The following APOH variants were observed in gnomAD, a reference collection of about 807,000 sequenced individuals.
APOH encodes the protein apolipoprotein H, also known as beta-2-glycoprotein 1.
APOH carries 48 observed loss-of-function variants against 39.8 expected under a neutral mutation model. The ratio of observed to expected loss-of-function variants is 1.21; its 90% CI spans 0.96 to 1.54. APOH has a LOEUF of 1.54. Ranked by LOEUF, APOH falls within the 40% of genes most tolerant of loss-of-function variation. APOH has a pLI of 0.00. For missense variants in APOH, 415 were observed against 421.2 expected (o/e 0.99, Z 0.13); for synonymous variants, 153 against 151.1 (o/e 1.01, Z -0.09).
intron 7 of APOH, among the ~76,000 whole-genome samples, chr17:66,212,719 T>G (rs2073343402): frequency 6.6e-6 from 1 of 152,158 alleles, no homozygotes; most frequent in African/African-American, 2.4e-5. Flanking sequence ...AGGTTCTATA[T>G]ACAGTGAAGA....
chr17:66,219,559 C>A (rs994339848), intron 5 of APOH, among the ~76,000 whole-genome samples: 1 of 152,136 alleles, frequency 6.6e-6, no homozygotes, highest in African/African-American at 2.4e-5. Flanking sequence ...TGCTGAAAAT[C>A]ACTTATGTTT....
chr17:66,223,868 C>T, intron 3 of APOH, 94 bp from the exon 4 acceptor site: 1 of 1,111,800 alleles, frequency 9.0e-7, no homozygotes, highest in Non-Finnish European at 1.4e-6. Context: ...CATGTTAATG[C>T]TATTGACTTC....
At chr17:66,224,329 T>G (rs977071936) in intron 3 of APOH, among the ~76,000 whole-genome samples, 4 of 151,054 alleles carry the variant, frequency 2.6e-5, no homozygotes, top group Admixed American at 1.3e-4. Flanking sequence ...CAGGCCGTGG[T>G]AGTGTGTGCC....
At chr17:66,216,996 A>G (rs2073369791) in intron 5 of APOH, 29 bp from the exon 6 acceptor site, 1 of 1,519,356 alleles carries the variant, frequency 6.6e-7, no homozygotes, top group African/African-American at 1.4e-5. Context: ...AAGACATATT[A>G]GTAATAAATA....
chr17:66,224,627 A>AGG (rs2073424375), intron 3 of APOH, among the ~76,000 whole-genome samples: 1 of 127,222 alleles, frequency 7.9e-6, no homozygotes, highest in South Asian at 2.8e-4. Context: ...GAAAGAAAGA[A>AGG]GAAAGGAAGA....
chr17:66,218,555 C>T (rs1598550758), intron 5 of APOH, among the ~76,000 whole-genome samples: 1 of 152,094 alleles, frequency 6.6e-6, no homozygotes, highest in Non-Finnish European at 1.5e-5. Flanking sequence ...GATCCACCTG[C>T]CTCGGCCTCC....
chr17:66,229,283 T>G (rs372931697), intron 1 of APOH, 33 bp downstream of exon 1: 2 of 1,568,052 alleles, frequency 1.3e-6, no homozygotes, highest in African/African-American at 2.7e-5. Flanking sequence ...GTTGGATATA[T>G]TAATTATTTT....
At position 66,216,951 on chromosome 17, in the gene APOH, G is replaced by A; in HGVS notation, c.621C>T (p.Phe207=). 6.3e-7 allele frequency: 1 copy of A among 1,594,980 alleles called. No homozygotes were observed. ...CAAATCCATTGTCTGGTCTTGATGG[G>A]AATGGGCATTTTACTTCTAAAACAT... The part of the protein sequence containing the change: ...LPECREVKCP[F]PSRPDNGFVN... The change falls in exon 6 of 8, where the codon TTC becomes TTT. Residue 207 remains phenylalanine (F), a synonymous_variant. Transcript: ENST00000205948.
chr17:66,224,143 A>C (rs1380518717), intron 3 of APOH, among the ~76,000 whole-genome samples: 1 of 152,190 alleles, frequency 6.6e-6, no homozygotes, highest in Non-Finnish European at 1.5e-5. Context: ...GCCTACTGAC[A>C]CCAATGAATA....
intron 5 of APOH, 47 bp from the exon 6 acceptor site, chr17:66,217,014 C>A (rs774640799): frequency 7.7e-6 from 11 of 1,433,244 alleles, no homozygotes; most frequent in Admixed American, 7.0e-5. Flanking sequence ...ATAGTGCTAT[C>A]CAATAGTCAT....
At position 66,220,686 on chromosome 17, in the gene APOH, G is replaced by A; in HGVS notation, c.472C>T (p.Pro158Ser). Residue 158 changes from proline to serine, a missense_variant, in exon 5 of 8, where the codon CCA becomes TCA. By Grantham distance (74) the Pro-to-Ser change is moderately conservative. Coordinates refer to ENST00000205948, the MANE Select transcript of APOH (RefSeq NM_000042.3). ...TAGAGGGAATTGTTTCCAGCTGATG[G>A]CTTATAAACACGAAGTGTTGCAAAC... ...PTFATLRVYK[P>S]SAGNNSLYRD... 6.2e-7 allele frequency: 1 copy of A among 1,614,128 alleles called. No homozygotes were observed. Among genetic ancestry groups the A allele is most frequent in the Non-Finnish European group, 8.5e-7 (1 of 1,180,008 alleles).
chr17:66,219,032 T>C (rs928187589), intron 5 of APOH, among the ~76,000 whole-genome samples: 2 of 151,894 alleles, frequency 1.3e-5, no homozygotes, highest in Non-Finnish European at 2.9e-5. Flanking sequence ...ATAATTATTA[T>C]TATAGGAGAC....
rs1567739885 is a variant in APOH at position 66,220,752 on chromosome 17, TAAAG to T, written c.416-14_416-11del. 2 of 1,594,782 alleles carry T rather than the reference TAAAG, an allele frequency of 1.3e-6. No individual in the cohort carries two copies. Among genetic ancestry groups the T allele is most frequent in the South Asian group, 2.2e-5 (2 of 89,374 alleles). On this transcript the variant is annotated splice_polypyrimidine_tract_variant and intron_variant, in intron 4 of 7. Transcript: ENST00000205948. ...GGAGGGCAGATGATGGCTGGGAAAATAAAGAACTATCATTTCTATGAAAATAGTT... is the reference window on the plus strand; with the variant it reads ...GGAGGGCAGATGATGGCTGGGAAAATAACTATCATTTCTATGAAAATAGTT...
chr17:66,223,164 T>A (rs1019418373), intron 4 of APOH, among the ~76,000 whole-genome samples: 3 of 152,190 alleles, frequency 2.0e-5, no homozygotes, highest in African/African-American at 7.2e-5. Context: ...GTCCCGTAAG[T>A]CACTAGGCTT....
In APOH at chr17:66,214,460, G is replaced by T; in HGVS notation, c.975C>A (p.Cys325Ter). Residue 325 changes from cysteine (C) to a stop codon, truncating the protein, a stop_gained, in exon 7 of 8, where the codon TGC (cysteine) becomes TGA (stop). Coordinates refer to ENST00000205948, the MANE Select transcript of APOH (RefSeq NM_000042.3). LOFTEE classifies it high-confidence loss of function. ...CIDGTIEVPKCFKEHSSLAFW... is the reference protein window; with the variant it reads ...CIDGTIEVPK The stretch of plus-strand genomic sequence containing the variant: ...GTTCCAATGCAGACTTACCCTTGAA[G>T]CATTTGGGGACTTCGATAGTGCCAT... The T allele has an allele frequency of 1.2e-6, 2 of 1,613,554 alleles. No individual in the cohort carries two copies. The highest frequency in any genetic ancestry group is 1.7e-6 in the Non-Finnish European group (2 of 1,179,712).
Position 66,214,528 on chromosome 17 carries a change from TA to T in APOH, c.906del (p.Asn302LysfsTer15). On this transcript the variant is annotated frameshift_variant, in exon 7 of 8. Transcript: ENST00000205948. LOFTEE classifies it high-confidence loss of function. The part of the protein sequence containing the change: ...HGDKVSFFCK[N>X]KEKKCSYTED... ...TCTGTATAGCTACACTTCTTTTCCT[TA>T]TTTTTGCAGAAGAAAGAAACTTTAT... is the stretch of plus-strand genomic sequence containing the variant. 1 of 1,614,182 alleles carries T rather than the reference TA, an allele frequency of 6.2e-7. No individual in the cohort carries two copies. Among genetic ancestry groups the T allele is most frequent in the East Asian group, 2.2e-5 (1 of 44,882 alleles).
At chr17:66,228,284 T>C in intron 1 of APOH, 88 bp from the exon 2 acceptor site, 2 of 1,413,684 alleles carry the variant, frequency 1.4e-6, no homozygotes, top group South Asian at 2.6e-5. Flanking sequence ...ATGTGTGTAC[T>C]GTTACCAATT....
At chr17:66,221,356 A>G (rs987830469) in intron 4 of APOH, among the ~76,000 whole-genome samples, 2 of 89,556 alleles carry the variant, frequency 2.2e-5, no homozygotes, top group African/African-American at 4.9e-5. Context: ...AGAAAGAAAG[A>G]GGAGGGGAGG....
chr17:66,223,471 G>A (rs576101081), intron 4 of APOH, among the ~76,000 whole-genome samples: 6 of 152,228 alleles, frequency 3.9e-5, no homozygotes, highest in Non-Finnish European at 5.9e-5. Context: ...AGTAATGACC[G>A]CGAGGTGGAG....
Sources: allele counts gnomAD v4.1 joint callset (sites outside exome capture counted in the v4.1 genomes callset), GRCh38; gene constraint gnomAD v4.1.1; transcripts MANE v1.5; gene names NCBI Gene and HGNC (gene_info 2026-07-23, HGNC 2026-07-21).